ADGRF1: variants seen among roughly 807,000 people sequenced by gnomAD.
The protein encoded by ADGRF1 is G protein-coupled receptor 110.
In ADGRF1, 85 loss-of-function variants were observed where a neutral mutation model predicts 87.2. The observed-to-expected ratio is 0.97, with a 90% confidence interval of 0.82 to 1.17. The LOEUF (loss-of-function observed/expected upper bound fraction) is 1.17, where lower values mean the gene tolerates loss of function less well. ADGRF1 is among the 50% of genes most tolerant of loss of function. ADGRF1 has a pLI of 0.00. For synonymous variants in ADGRF1, 430 were observed against 408.8 expected (o/e 1.05, Z -0.63); for missense variants, 1,169 against 1,077.2 (o/e 1.09, Z -1.19).
chr6:47,016,737 C>T lies in ADGRF1; in HGVS notation c.643G>A (p.Val215Ile). The T allele has an allele frequency of 1.9e-6, 3 of 1,599,472 alleles. No homozygotes were observed. The highest frequency in any genetic ancestry group is 2.6e-6 in the Non-Finnish European group (3 of 1,169,386). ...NGSIVAGYEV[V>I]GSSSASELLS... is the part of the protein sequence containing the mutation. ...AGTTCAGATGCACTGCTGGAGCCAACAACTTCATACCCAGCAACGATGCTT... is the reference window on the plus strand; with the variant it reads ...AGTTCAGATGCACTGCTGGAGCCAATAACTTCATACCCAGCAACGATGCTT... The change falls in exon 8 of 15, where the codon GTT becomes ATT. Residue 215 changes from valine to isoleucine, a missense_variant. Physicochemically the swap from Val to Ile is conservative, Grantham distance 29. Transcript: ENST00000371253.
intron 1 of ADGRF1, among the ~76,000 whole-genome samples, chr6:47,029,554 A>T (rs1339104381): frequency 6.6e-6 from 1 of 152,108 alleles, no homozygotes; most frequent in Non-Finnish European, 1.5e-5. Context: ...AATCCAGAAA[A>T]TTTCCTTTTT....
Position 47,014,763 on chromosome 6 carries a change from T to C in ADGRF1, c.845A>G (p.Asn282Ser). The C allele has an allele frequency of 6.2e-7, 1 of 1,614,018 alleles. No homozygotes were observed. The highest frequency in any genetic ancestry group is 8.5e-7 in the Non-Finnish European group (1 of 1,179,966). The change falls in exon 9 of 15, where the codon AAC (asparagine) becomes AGC (serine). Residue 282 changes from asparagine (N) to serine (S), a missense_variant. Transcript: ENST00000371253. The part of the protein sequence containing the change: ...TLPCSSGYRG[N>S]ITAKCESSGW... ...AGAGGACTCACACTTGGCTGTGATG[T>C]TTCCCCTGTAGCCACTGCTGCAGGG... is the stretch of plus-strand genomic sequence containing the variant.
chr6:47,027,778 A>C lies in ADGRF1; in HGVS notation c.70-17T>G, dbSNP rs1240069229. The C allele has an allele frequency of 4.2e-6, 6 of 1,416,972 alleles. No homozygotes were observed. Among genetic ancestry groups the C allele is most frequent in the African/African-American group, 1.4e-5 (1 of 70,942 alleles). 87.8% of individuals were successfully genotyped at this position (1,416,972 alleles called of 1,614,324 possible). The stretch of plus-strand genomic sequence containing the variant: ...ATCATTTTTCTGTTAAAAAGAAAAA[A>C]AATAGTTACGGTGAGACTTTGAAGA... On this transcript the variant is annotated splice_polypyrimidine_tract_variant and intron_variant, in intron 2 of 14. Transcript: ENST00000371253.
At chr6:47,012,240 T>C (rs1779730273) in intron 9 of ADGRF1, 45 bp from the exon 10 acceptor site, 2 of 1,590,950 alleles carry the variant, frequency 1.3e-6, no homozygotes, top group African/African-American at 2.7e-5. Context: ...TGACATGCTG[T>C]GTTTCATCAA....
intron 1 of ADGRF1, among the ~76,000 whole-genome samples, chr6:47,031,270 TTCTC>T (rs375425604): frequency 0.032 from 4,617 of 145,948 alleles, 120 homozygotes; most frequent in African/African-American, 0.07. Context: ...TCTCTCTCTC[TTCTC>T]TCTCTCTCTC....
At chr6:47,022,545 T>C (rs1780091331) in intron 5 of ADGRF1, among the ~76,000 whole-genome samples, 1 of 152,230 alleles carries the variant, frequency 6.6e-6, no homozygotes, top group Non-Finnish European at 1.5e-5. Context: ...AAATATCATC[T>C]CTTCCACAAG....
rs1779589073 is a variant in ADGRF1 at position 47,008,344 on chromosome 6, T to C, written c.2490+601A>G. Among the ~76,000 whole-genome samples, 3 of 152,172 alleles carry C rather than the reference T, an allele frequency of 2.0e-5. No individual in the cohort carries two copies. The South Asian group carries it at 6.2e-4, about 32-fold the overall frequency. ...CTGACTGTGCCAAGTAAAAACCCAT[T>C]CTTTGTAGCAGAGATTAGCAAACTT... On this transcript the variant is annotated intron_variant, in intron 11 of 14. Coordinates refer to ENST00000371253, the MANE Select transcript of ADGRF1 (RefSeq NM_153840.4).
At chr6:47,023,031 C>T (rs990237417) in intron 5 of ADGRF1, among the ~76,000 whole-genome samples, 5 of 152,058 alleles carry the variant, frequency 3.3e-5, no homozygotes, top group African/African-American at 7.2e-5. Flanking sequence ...AAGCTGGTCT[C>T]GAACTCCTCC....
rs974221555 is a variant in ADGRF1 at position 47,042,251 on chromosome 6, C to G, written c.-104G>C. 6 of 152,128 alleles carry G rather than the reference C, an allele frequency of 3.9e-5. No homozygotes were observed. The highest frequency in any genetic ancestry group is 1.4e-4 in the African/African-American group (6 of 41,434). 9.4% of individuals were successfully genotyped at this position (152,128 alleles called of 1,614,324 possible). A position where few individuals can be genotyped will look rare whatever the true frequency, so the allele number is the denominator to read the frequency against. On this transcript the variant is annotated 5_prime_UTR_variant, in exon 1 of 15. Coordinates refer to ENST00000371253, the MANE Select transcript of ADGRF1 (RefSeq NM_153840.4). ...AGCCCTTCCTTCAGTATACTTGTGGCTCAATCACTTCTTATGCTGTTTGGA... is the reference window on the plus strand; with the variant it reads ...AGCCCTTCCTTCAGTATACTTGTGGGTCAATCACTTCTTATGCTGTTTGGA...
chr6:47,029,597 C>T (rs762034574), intron 1 of ADGRF1, among the ~76,000 whole-genome samples: 3 of 152,070 alleles, frequency 2.0e-5, no homozygotes, highest in South Asian at 2.1e-4. Context: ...AAGATGTCCT[C>T]GAGTTTATGG....
In ADGRF1 at chr6:46,998,198, G is replaced by A. The variant is rs1552633; in HGVS notation, c.*2024C>T. ...TTATGAGATAGGGCTGCCTTCACAT[G>A]GTGTCAGGGTTCTCTGGATAGTAAT... On this transcript the variant is annotated 3_prime_UTR_variant, in exon 15 of 15. Transcript: ENST00000371253. 0.27 allele frequency: 41,666 copies of A among 152,064 alleles called. 5,774 individuals are homozygous for A. The highest frequency in any genetic ancestry group is 0.36 in the South Asian group (1,725 of 4,814). The allele number at this position is 152,064 out of a possible 1,614,324, so 9.4% of individuals were successfully genotyped here. A position where few individuals can be genotyped will look rare whatever the true frequency, so the allele number is the denominator to read the frequency against.
intron 7 of ADGRF1, chr6:47,018,759 AT>A (rs527889671): frequency 1.1e-4 from 32 of 300,810 alleles, no homozygotes; most frequent in South Asian, 6.7e-4. Context: ...TTTTAAAATA[AT>A]TTTTTTAAAA....
chr6:47,020,404 G>C (rs947158081), intron 7 of ADGRF1: 1 of 881,712 alleles, frequency 1.1e-6, no homozygotes, highest in African/African-American at 1.7e-5. Flanking sequence ...GCTGAGGCAG[G>C]GGAATCTCTT....
intron 4 of ADGRF1, among the ~76,000 whole-genome samples, chr6:47,025,003 T>C (rs1486896793): frequency 6.6e-6 from 1 of 152,210 alleles, no homozygotes; most frequent in African/African-American, 2.4e-5. Context: ...ATCCACCTGC[T>C]ACCACTCCCA....
Position 47,021,952 on chromosome 6 carries a change from G to A in ADGRF1, c.552+6C>T, listed in dbSNP as rs200054357. On this transcript the variant is annotated splice_donor_region_variant and intron_variant, in intron 6 of 14. Coordinates refer to ENST00000371253, the MANE Select transcript of ADGRF1 (RefSeq NM_153840.4). ...ATTCCTTATATAATAAGTAGAAAGT[G>A]CTTACTTGAATTTCAATTCCATTTG... The A allele has an allele frequency of 4.2e-4, 616 of 1,472,504 alleles. 4 individuals carry two copies. The highest frequency in any genetic ancestry group is 7.1e-5 in the Non-Finnish European group (75 of 1,060,000). 91.2% of individuals were successfully genotyped at this position (1,472,504 alleles called of 1,614,324 possible). A position where few individuals can be genotyped will look rare whatever the true frequency, so the allele number is the denominator to read the frequency against.
intron 2 of ADGRF1, 45 bp downstream of exon 2, chr6:47,028,948 A>G: frequency 6.8e-7 from 1 of 1,478,136 alleles, no homozygotes; most frequent in African/African-American, 1.4e-5. Context: ...GGAACGAGAG[A>G]GGAGAGTTAG....
At position 47,009,625 on chromosome 6, in the gene ADGRF1, G is replaced by C. The variant is rs770874837; in HGVS notation, c.1810C>G (p.Leu604Val). ...TTCCAAAACAAAGCCTCGATGATCA[G>C]GCATAAAATGAGACTTCCAATGGAG... ...GISIGSLILC[L>V]IIEALFWKQI... The change falls in exon 11 of 15, where the codon CTG becomes GTG. Residue 604 changes from leucine to valine, a missense_variant. Physicochemically the swap from Leu to Val is conservative, Grantham distance 32 (BLOSUM62 1). Transcript: ENST00000371253. 3.7e-6 allele frequency: 6 copies of C among 1,614,172 alleles called. No individual in the cohort carries two copies. The highest frequency in any genetic ancestry group is 5.1e-6 in the Non-Finnish European group (6 of 1,180,026).
chr6:47,014,680 C>T lies in ADGRF1; in HGVS notation c.927+1G>A, dbSNP rs1779810691. 3.7e-6 allele frequency: 6 copies of T among 1,612,896 alleles called. No homozygotes were observed. The highest frequency in any genetic ancestry group is 3.3e-5 in the South Asian group (3 of 90,906). ...AAGTCTACACAGTGAAAATGCCTCA[C>T]CTTGTTCAGTTCTTCAAGCAGAGAG... is the stretch of plus-strand genomic sequence containing the variant. On this transcript the variant is annotated splice_donor_variant, in intron 9 of 14. Coordinates refer to ENST00000371253, the MANE Select transcript of ADGRF1 (RefSeq NM_153840.4). LOFTEE classifies it high-confidence loss of function.
chr6:47,038,871 T>C (rs1780663187), intron 1 of ADGRF1, among the ~76,000 whole-genome samples: 1 of 152,220 alleles, frequency 6.6e-6, no homozygotes, highest in Non-Finnish European at 1.5e-5. Context: ...TTATCAGAAA[T>C]AATTAGCTTG....
Sources: allele counts gnomAD v4.1 joint callset (sites outside exome capture counted in the v4.1 genomes callset), GRCh38; gene constraint gnomAD v4.1.1; transcripts MANE v1.5; gene names NCBI Gene and HGNC (gene_info 2026-07-23, HGNC 2026-07-21).